ITGA4: variants seen among roughly 807,000 people sequenced by gnomAD.
ITGA4 encodes the protein integrin subunit alpha 4.
ITGA4 carries 63 observed loss-of-function variants against 133.6 expected under a neutral mutation model. That is an observed-to-expected ratio of 0.47 (90% CI 0.38 to 0.58). The LOEUF (loss-of-function observed/expected upper bound fraction) is 0.58, where lower values mean the gene tolerates loss of function less well. ITGA4 is among the 20% of genes least tolerant of loss of function. The pLI is 0.00. For synonymous variants in ITGA4, 483 were observed against 438.0 expected (o/e 1.10, Z -1.28); for missense variants, 1,076 against 1,252.7 (o/e 0.86, Z 2.13).
At position 181,457,780 on chromosome 2, in the gene ITGA4, G is replaced by C; in HGVS notation, c.126G>C (p.Leu42=). 1 of 1,613,734 alleles carries C rather than the reference G, an allele frequency of 6.2e-7. No homozygotes were observed. The highest frequency in any genetic ancestry group is 1.7e-4 in the Middle Eastern group (1 of 6,056). The change falls in exon 1 of 28, where the codon CTG becomes CTC. Residue 42 remains leucine (L), a synonymous_variant. Transcript: ENST00000397033. ...RPYNVDTESA[L]LYQGPHNTLF... is the part of the protein sequence containing the mutation. ...ACAACGTGGACACTGAGAGCGCGCT[G>C]CTTTACCAGGGCCCCCACAACACGC...
At chr2:181,488,013 G>GA (rs1685960312) in intron 10 of ITGA4, among the ~76,000 whole-genome samples, 1 of 152,116 alleles carries the variant, frequency 6.6e-6, no homozygotes, top group South Asian at 2.1e-4. Context: ...TGTTTTAATT[G>GA]ACACATTTAA....
chr2:181,503,924 AC>A (rs909913418), intron 15 of ITGA4, among the ~76,000 whole-genome samples: 5 of 151,970 alleles, frequency 3.3e-5, no homozygotes, highest in African/African-American at 1.2e-4. Context: ...ATTTAGGGAA[AC>A]CCAAACTGTA....
At chr2:181,497,981 A>AT (rs1248229211) in intron 14 of ITGA4, among the ~76,000 whole-genome samples, 22 of 152,122 alleles carry the variant, frequency 1.4e-4, no homozygotes, top group Admixed American at 7.9e-4. Flanking sequence ...TATTGAGAGA[A>AT]TTTTTTAAAA....
Position 181,498,692 on chromosome 2 carries a change from C to G in ITGA4, c.1610C>G (p.Ser537Cys). Residue 537 changes from serine to cysteine, a missense_variant, in exon 15 of 28, where the codon TCT (serine) becomes TGT (cysteine). By Grantham distance (112) the Ser-to-Cys change is moderately radical. Transcript: ENST00000397033. ...AESPPRFYFSSNGTSDVITGS... is the reference protein window; with the variant it reads ...AESPPRFYFSCNGTSDVITGS... ...TCTCCACCAAGATTCTATTTCTCTTCTAATGGAACTTCTGACGTGATTACA... is the reference window on the plus strand; with the variant it reads ...TCTCCACCAAGATTCTATTTCTCTTGTAATGGAACTTCTGACGTGATTACA... 6.2e-7 allele frequency: 1 copy of G among 1,612,158 alleles called. No individual in the cohort carries two copies. Among genetic ancestry groups the G allele is most frequent in the Non-Finnish European group, 8.5e-7 (1 of 1,178,534 alleles).
intron 16 of ITGA4, 34 bp downstream of exon 16, chr2:181,509,841 T>C: frequency 6.7e-7 from 1 of 1,493,536 alleles, no homozygotes; most frequent in Non-Finnish European, 9.2e-7. Context: ...AATTATTGTA[T>C]GGCATTTAAC....
In ITGA4 at chr2:181,534,838, A is replaced by G. The variant is rs530546454; in HGVS notation, c.2906A>G (p.His969Arg). The G allele has an allele frequency of 4.4e-5, 71 of 1,597,874 alleles. No homozygotes were observed. The African/African-American group carries it at 6.1e-4, about 14-fold the overall frequency. Reference sequence around the variant, plus strand: ...TAGGTTCTACTGGAAGGACTACATCATCAAAGACCCAAACGTTATTTCACC... The same window carrying G: ...TAGGTTCTACTGGAAGGACTACATCGTCAAAGACCCAAACGTTATTTCACC... ...VAHVLLEGLH[H>R]QRPKRYFTIV... Residue 969 changes from histidine to arginine, a missense_variant, in exon 27 of 28, where the codon CAT (histidine) becomes CGT (arginine). Transcript: ENST00000397033.
chr2:181,479,300 T>TC (rs1429503071), intron 5 of ITGA4: 1 of 152,038 alleles, frequency 6.6e-6, no homozygotes, highest in Non-Finnish European at 1.5e-5. Flanking sequence ...TTTCTAACAT[T>TC]CTAGGATATG....
At chr2:181,510,001 A>G (rs992830414) in intron 16 of ITGA4, 194 bp downstream of exon 16, 17 of 471,804 alleles carry the variant, frequency 3.6e-5, no homozygotes, top group Non-Finnish European at 4.9e-5. Flanking sequence ...ATTTTAAAAT[A>G]TGCATTTAAT....
chr2:181,486,822 T>C (rs761425634), intron 10 of ITGA4, among the ~76,000 whole-genome samples: 4 of 152,178 alleles, frequency 2.6e-5, no homozygotes, highest in Admixed American at 6.5e-5. Context: ...TTGATACTTA[T>C]TTTTAGGGTT....
rs530317015 is a variant in ITGA4, at chr2:181,469,435, G to A, written c.320-5525G>A. Among the ~76,000 whole-genome samples, 16 of 152,248 alleles carry A rather than the reference G, an allele frequency of 1.1e-4. No individual in the cohort carries two copies. The South Asian group carries it at 3.1e-3, about 30-fold the overall frequency. Reference sequence around the variant, plus strand: ...AAACAACAGGTGCTGGAGAGATTGTGGAGAAATAGGAACACTTTTACACTG... The same window carrying A: ...AAACAACAGGTGCTGGAGAGATTGTAGAGAAATAGGAACACTTTTACACTG... On this transcript the variant is annotated intron_variant, in intron 2 of 27. Transcript: ENST00000397033.
chr2:181,480,222 CT>C lies in ITGA4; in HGVS notation c.716del (p.Leu239Ter). The C allele has an allele frequency of 1.3e-6, 2 of 1,489,696 alleles. No individual in the cohort carries two copies. Among genetic ancestry groups the C allele is most frequent in the African/African-American group, 1.4e-5 (1 of 69,552 alleles). The allele number at this position is 1,489,696 out of a possible 1,614,324, so 92.3% of individuals were successfully genotyped here. On this transcript the variant is annotated frameshift_variant, in exon 6 of 28. Coordinates refer to ENST00000397033, the MANE Select transcript of ITGA4 (RefSeq NM_000885.6). LOFTEE classifies it high-confidence loss of function. Reference sequence around the variant, plus strand: ...AATATAACTACAAATAAATACAAGGCTTTTTTAGACAAACAAAATCAAGTAA... The same window carrying C: ...AATATAACTACAAATAAATACAAGGCTTTTTAGACAAACAAAATCAAGTAA... ...VYNITTNKYK[A>X]FLDKQNQVKF...
intron 2 of ITGA4, among the ~76,000 whole-genome samples, chr2:181,467,169 A>G (rs1049364665): frequency 6.6e-6 from 1 of 152,094 alleles, no homozygotes; most frequent in African/African-American, 2.4e-5. Flanking sequence ...AAAACTTTAG[A>G]GTGGAACAAT....
intron 6 of ITGA4, among the ~76,000 whole-genome samples, chr2:181,480,736 C>T (rs1685783145): frequency 1.3e-5 from 2 of 152,094 alleles, no homozygotes; most frequent in Non-Finnish European, 2.9e-5. Context: ...ATGAGGGGCT[C>T]CATGAAGCAC....
In ITGA4 at chr2:181,537,253, G is replaced by A; in HGVS notation, c.*1726G>A. ...ATGGTCTCTAAGGAAATTTACATTTGGTTCTTTCCTACTCAGAACTACTCA... is the reference window on the plus strand; with the variant it reads ...ATGGTCTCTAAGGAAATTTACATTTAGTTCTTTCCTACTCAGAACTACTCA... On this transcript the variant is annotated 3_prime_UTR_variant, in exon 28 of 28. Coordinates refer to ENST00000397033, the MANE Select transcript of ITGA4 (RefSeq NM_000885.6). 1 of 453,758 alleles carries A rather than the reference G, an allele frequency of 2.2e-6. No homozygotes were observed. The highest frequency in any genetic ancestry group is 4.4e-6 in the Non-Finnish European group (1 of 226,716). 28.1% of individuals were successfully genotyped at this position (453,758 alleles called of 1,614,324 possible).
chr2:181,479,549 T>C (rs967457861), intron 5 of ITGA4: 5 of 151,990 alleles, frequency 3.3e-5, no homozygotes, highest in African/African-American at 1.2e-4. Context: ...ATGCTAAAGA[T>C]ATTTAATTGC....
rs1686335560 is a variant in ITGA4 at position 181,503,823 on chromosome 2, T to TA, written c.1695+5046_1695+5047insA. Among the ~76,000 whole-genome samples, 14 of 6,372 alleles carry TA rather than the reference T, an allele frequency of 2.2e-3. No individual in the cohort carries two copies. The South Asian group carries it at 0.41, about 185-fold the overall frequency. 4.2% of individuals were successfully genotyped at this position (6,372 alleles called of 152,430 possible). On this transcript the variant is annotated intron_variant, in intron 15 of 27. Coordinates refer to ENST00000397033, the MANE Select transcript of ITGA4 (RefSeq NM_000885.6). ...ATGTTTCCCCATTTATGTAAGTATA[T>TA]GAAAATCTTTGTTTTTGCTTTATTT...
intron 15 of ITGA4, among the ~76,000 whole-genome samples, chr2:181,509,448 TA>T (rs1354570609): frequency 6.6e-6 from 1 of 152,118 alleles, no homozygotes; most frequent in African/African-American, 2.4e-5. Flanking sequence ...TTTTCATTTT[TA>T]TTTTTTTTGT....
rs1376037362 is a variant in ITGA4, at chr2:181,475,257, A to G, written c.525A>G (p.Glu175=). Residue 175 remains glutamate, a synonymous_variant, in exon 4 of 28, where the codon GAA becomes GAG. Coordinates refer to ENST00000397033, the MANE Select transcript of ITGA4 (RefSeq NM_000885.6). ...CYGVPPDLRT[E]LSKRIAPCYQ... is the part of the protein sequence containing the mutation. ...GAGTGCCCCCTGATTTACGAACAGAACTGAGTAAAAGAATAGCTCCGTGTT... is the reference window on the plus strand; with the variant it reads ...GAGTGCCCCCTGATTTACGAACAGAGCTGAGTAAAAGAATAGCTCCGTGTT... 6 of 1,613,062 alleles carry G rather than the reference A, an allele frequency of 3.7e-6. No individual in the cohort carries two copies. The South Asian group carries it at 6.6e-5, about 18-fold the overall frequency.
rs201929711 is a variant in ITGA4, at chr2:181,498,728, A to G, written c.1646A>G (p.Gln549Arg). The change falls in exon 15 of 28, where the codon CAG becomes CGG. Residue 549 changes from glutamine to arginine, a missense_variant. Physicochemically the swap from Gln to Arg is conservative, Grantham distance 43 (BLOSUM62 1). Coordinates refer to ENST00000397033, the MANE Select transcript of ITGA4 (RefSeq NM_000885.6). ...TCTGACGTGATTACAGGAAGCATAC[A>G]GGTGTCCAGCAGAGAAGCTAACTGT... ...GTSDVITGSI[Q>R]VSSREANCRT... 16 of 1,612,616 alleles carry G rather than the reference A, an allele frequency of 9.9e-6. No individual in the cohort carries two copies. Among genetic ancestry groups the G allele is most frequent in the Admixed American group, 1.7e-5 (1 of 59,882 alleles).
Sources: gnomAD v4.1 joint callset for allele counts (sites outside exome capture counted in the v4.1 genomes callset) on GRCh38, gnomAD v4.1.1 for gene constraint, MANE v1.5 for transcripts, NCBI Gene and HGNC (gene_info 2026-07-23, HGNC 2026-07-21) for gene names.